Variants in SOCS6 observed in about 807,000 individuals in gnomAD.
SOCS6 encodes the protein suppressor of cytokine signaling 6, also known as STAT induced STAT inhibitor-4.
Under a neutral mutation model 27.7 loss-of-function variants are expected in SOCS6, and 5 were observed. The ratio of observed to expected loss-of-function variants is 0.18; its 90% CI spans 0.09 to 0.38. SOCS6 has a LOEUF of 0.38. Ranked by LOEUF, SOCS6 falls within the 10% of genes least tolerant of loss-of-function variation. The probability of loss-of-function intolerance (pLI) is 1.00; values close to 1 mark genes in which losing one functional copy is unlikely to be tolerated. For missense variants in SOCS6, 595 were observed against 688.1 expected (o/e 0.86, Z 1.51); for synonymous variants, 271 against 260.0 (o/e 1.04, Z -0.41).
intron 1 of SOCS6, among the ~76,000 whole-genome samples, chr18:70,295,877 G>A (rs1009714905): frequency 6.6e-6 from 1 of 152,220 alleles, no homozygotes; most frequent in African/African-American, 2.4e-5. Context: ...GGTGTATGCA[G>A]CCCTTCTTGC....
chr18:70,298,108 G>C (rs920320754), intron 1 of SOCS6, among the ~76,000 whole-genome samples: 10 of 151,998 alleles, frequency 6.6e-5, no homozygotes, highest in African/African-American at 2.4e-4. Context: ...AGATATTTTT[G>C]CTTTAGTAGT....
At position 70,317,539 on chromosome 18, in the gene SOCS6, CACTTCATAT is replaced by C. The variant is rs1330367899; in HGVS notation, c.-126-7002_-126-6994del. 5.3e-3 allele frequency among the ~76,000 whole-genome samples: 10 copies of C among 1,884 alleles called. No homozygotes were observed. In the African/African-American group the frequency reaches 0.054, roughly 10 times the overall value. The allele number at this position is 1,884 out of a possible 152,430, so 1.2% of individuals were successfully genotyped here. On this transcript the variant is annotated intron_variant, in intron 1 of 1. Coordinates refer to ENST00000397942, the MANE Select transcript of SOCS6 (RefSeq NM_004232.4). ...ACATACATATATACGTATATATACA[CACTTCATAT>C]ATACATACACACACACACACACACA...
At chr18:70,289,702 C>A (rs2062290080) in intron 1 of SOCS6, among the ~76,000 whole-genome samples, 1 of 151,594 alleles carries the variant, frequency 6.6e-6, no homozygotes, top group Admixed American at 6.6e-5. Flanking sequence ...GAGGTCGCGC[C>A]GGCGCTGGTG....
chr18:70,307,673 A>G (rs1033863538), intron 1 of SOCS6, among the ~76,000 whole-genome samples: 3 of 152,174 alleles, frequency 2.0e-5, no homozygotes, highest in Admixed American at 2.0e-4. Context: ...TTAAATTTCC[A>G]TAGGCTTGAT....
At position 70,326,425 on chromosome 18, in the gene SOCS6, G is replaced by C. The variant is rs542955038; in HGVS notation, c.*149G>C. On this transcript the variant is annotated 3_prime_UTR_variant, in exon 2 of 2. Transcript: ENST00000397942. ...GAGTCATCAGTTTGTTTAGGGGTGG[G>C]GAAGTGTCAGCAAGGTGTCTTGGGT... 2.5e-4 allele frequency: 175 copies of C among 689,734 alleles called. 1 individual carries two copies. The highest frequency in any genetic ancestry group is 1.8e-3 in the Admixed American group (56 of 31,460). The allele number at this position is 689,734 out of a possible 1,614,324, so 42.7% of individuals were successfully genotyped here.
chr18:70,325,972 A>G lies in SOCS6; in HGVS notation c.1304A>G (p.His435Arg). ...AAAACACTTCACACTAGAATTGAGC[A>G]CTCAAATGGTAGGTTTAGCTTTTAT... Reference protein sequence around the residue: ...HGKTLHTRIEHSNGRFSFYEQ... With the variant: ...HGKTLHTRIERSNGRFSFYEQ... Residue 435 changes from histidine (H) to arginine (R), a missense_variant, in exon 2 of 2, where the codon CAC becomes CGC. Transcript: ENST00000397942. This position sits in a 1 kb window ranked among gnomAD's most constrained non-coding sequence, Gnocchi z 6.3. The G allele has an allele frequency of 6.2e-7, 1 of 1,614,234 alleles. No homozygotes were observed. Among genetic ancestry groups the G allele is most frequent in the Non-Finnish European group, 8.5e-7 (1 of 1,180,040 alleles).
At chr18:70,289,212 G>A (rs1209921277) in intron 1 of SOCS6, 122 bp downstream of exon 1, 1 of 151,254 alleles carries the variant, frequency 6.6e-6, no homozygotes, top group Admixed American at 6.6e-5. Flanking sequence ...GATCCGGCGC[G>A]GGCCGGGCCA....
At chr18:70,308,277 G>A (rs564097843) in intron 1 of SOCS6, among the ~76,000 whole-genome samples, 20 of 152,256 alleles carry the variant, frequency 1.3e-4, no homozygotes, top group Non-Finnish European at 2.8e-4. Context: ...GTGCAGTGGC[G>A]TAATCATGGA....
intron 1 of SOCS6, among the ~76,000 whole-genome samples, chr18:70,323,553 T>C (rs1911066128): frequency 6.6e-6 from 1 of 152,156 alleles, no homozygotes; most frequent in Non-Finnish European, 1.5e-5. Context: ...AGATCAAAAC[T>C]AGACACATGG....
intron 1 of SOCS6, among the ~76,000 whole-genome samples, chr18:70,319,753 T>G (rs1156369926): frequency 6.6e-6 from 1 of 152,168 alleles, no homozygotes; most frequent in Non-Finnish European, 1.5e-5. Flanking sequence ...AAAGACACTT[T>G]CCAGTACATA....
At chr18:70,290,492 G>A (rs904929786) in intron 1 of SOCS6, among the ~76,000 whole-genome samples, 1 of 152,178 alleles carries the variant, frequency 6.6e-6, no homozygotes, top group Admixed American at 6.5e-5. Flanking sequence ...ATACTTTTCC[G>A]TGGGCTTTCT....
At chr18:70,293,839 T>G (rs2062311258) in intron 1 of SOCS6, among the ~76,000 whole-genome samples, 1 of 152,090 alleles carries the variant, frequency 6.6e-6, no homozygotes, top group East Asian at 1.9e-4. Context: ...GCGCCTGTAA[T>G]CCCACCACTT....
intron 1 of SOCS6, among the ~76,000 whole-genome samples, chr18:70,289,875 C>T (rs532751341): frequency 6.6e-6 from 1 of 152,326 alleles, no homozygotes; most frequent in South Asian, 2.1e-4. Context: ...CAGGTACACC[C>T]TTGTGGCTCA....
chr18:70,316,632 C>T (rs2062412574), intron 1 of SOCS6, among the ~76,000 whole-genome samples: 1 of 152,012 alleles, frequency 6.6e-6, no homozygotes, highest in Non-Finnish European at 1.5e-5. Context: ...GCAGTGCCAT[C>T]TTACCATTGT....
chr18:70,312,274 G>C (rs1469504469), intron 1 of SOCS6, among the ~76,000 whole-genome samples: 1 of 151,990 alleles, frequency 6.6e-6, no homozygotes, highest in East Asian at 1.9e-4. Flanking sequence ...TATGTGGTCT[G>C]TATTTACCAA....
chr18:70,310,954 T>C (rs1023103873), intron 1 of SOCS6, among the ~76,000 whole-genome samples: 4 of 152,292 alleles, frequency 2.6e-5, no homozygotes, highest in South Asian at 2.1e-4. Context: ...ATAAAAATAG[T>C]GTCTTCCAAG....
rs1490954914 is a variant in SOCS6, at chr18:70,324,701, A to G, written c.33A>G (p.Lys11=). Residue 11 remains lysine, a synonymous_variant, in exon 2 of 2, where the codon AAA becomes AAG. Coordinates refer to ENST00000397942, the MANE Select transcript of SOCS6 (RefSeq NM_004232.4). ...AAATTAGTCTTAAAACCTTACGGAA[A>G]TCTTTTAACTTGAATAAAAGTAAAG... MKKISLKTLR[K]SFNLNKSKEE... The G allele has an allele frequency of 3.8e-6, 6 of 1,599,492 alleles. No individual in the cohort carries two copies. The highest frequency in any genetic ancestry group is 5.1e-6 in the Non-Finnish European group (6 of 1,171,638).
intron 1 of SOCS6, among the ~76,000 whole-genome samples, chr18:70,301,054 C>T (rs541311777): frequency 8.5e-5 from 13 of 152,140 alleles, no homozygotes; most frequent in Non-Finnish European, 1.5e-4. Context: ...ATGCAGTTGC[C>T]GAGAAGTGTG....
chr18:70,318,387 C>G (rs904405826), intron 1 of SOCS6, among the ~76,000 whole-genome samples: 1 of 152,036 alleles, frequency 6.6e-6, no homozygotes, highest in Non-Finnish European at 1.5e-5. Context: ...CACCCATGCC[C>G]GGGAGCTGTC....
Sources: allele counts gnomAD v4.1 joint callset (sites outside exome capture counted in the v4.1 genomes callset), GRCh38; gene constraint gnomAD v4.1.1; non-coding constraint Gnocchi (gnomAD v3.1); transcripts MANE v1.5; gene names NCBI Gene and HGNC (gene_info 2026-07-23, HGNC 2026-07-21).